Variants in PREP observed in about 807,000 individuals in gnomAD.
The protein encoded by PREP is dJ355L5.1 (prolyl endopeptidase).
In PREP, 29 loss-of-function variants were observed where a neutral mutation model predicts 87.6. The ratio of observed to expected loss-of-function variants is 0.33; its 90% CI spans 0.25 to 0.45. The LOEUF (loss-of-function observed/expected upper bound fraction) is 0.45. Among genes scored for constraint, PREP ranks in the 20% least tolerant of loss-of-function variants. The probability of loss-of-function intolerance (pLI) is 1.00; values close to 1 mark genes in which losing one functional copy is unlikely to be tolerated. For synonymous variants in PREP, 337 were observed against 328.6 expected, an observed-to-expected ratio of 1.03 and a Z score of -0.28; for missense variants, 695 against 886.5, an observed-to-expected ratio of 0.78 and a Z score of 2.74.
At chr6:105,309,532 T>C (rs895034906) in intron 10 of PREP, among the ~76,000 whole-genome samples, 1 of 152,166 alleles carries the variant, frequency 6.6e-6, no homozygotes, top group African/African-American at 2.4e-5. Context: ...GTATTTTTAG[T>C]AGAGATGGGG....
At chr6:105,391,211 T>A (rs949596168) in intron 2 of PREP, among the ~76,000 whole-genome samples, 1 of 151,532 alleles carries the variant, frequency 6.6e-6, no homozygotes, top group Non-Finnish European at 1.5e-5. Context: ...CAAAACCCCG[T>A]CTCTACTAAA....
chr6:105,301,946 G>A (rs1770546076), intron 10 of PREP, among the ~76,000 whole-genome samples: 1 of 152,220 alleles, frequency 6.6e-6, no homozygotes, highest in African/African-American at 2.4e-5. Context: ...AAGAAGGGCA[G>A]TGAAGGAGGC....
At position 105,275,488 on chromosome 6, in the gene PREP, C is replaced by T. The variant is rs1001826856; in HGVS notation, c.*2656G>A. Among the ~76,000 whole-genome samples the T allele has an allele frequency of 6.6e-6, 1 of 152,152 alleles. No individual in the cohort carries two copies. The highest frequency in any genetic ancestry group is 6.5e-5 in the Admixed American group (1 of 15,274). ...GGGCCTTGTGACAAAGCAGTGAGGC[C>T]ACCTGTGCAACATGTACAACTTTTT... On this transcript the variant is annotated 3_prime_UTR_variant, in exon 15 of 15. Transcript: ENST00000652536.
At chr6:105,354,719 G>A (rs866392830) in intron 6 of PREP, among the ~76,000 whole-genome samples, 1 of 152,100 alleles carries the variant, frequency 6.6e-6, no homozygotes, top group South Asian at 2.1e-4. Context: ...TCTCCAGCCT[G>A]TGGGCCTACC....
intron 12 of PREP, among the ~76,000 whole-genome samples, chr6:105,284,807 T>C (rs1372797137): frequency 6.6e-6 from 1 of 152,100 alleles, no homozygotes; most frequent in Admixed American, 6.5e-5. Flanking sequence ...ATACAGACGA[T>C]CATTCAAAAA....
chr6:105,386,219 C>G (rs549498360), intron 2 of PREP, among the ~76,000 whole-genome samples: 2 of 152,300 alleles, frequency 1.3e-5, no homozygotes, highest in Non-Finnish European at 2.9e-5. Context: ...CATTTAACAA[C>G]TATACGCACT....
chr6:105,304,276 G>A (rs567500978), intron 10 of PREP, among the ~76,000 whole-genome samples: 7 of 152,316 alleles, frequency 4.6e-5, no homozygotes, highest in East Asian at 1.9e-4. Context: ...TGCAAATGCC[G>A]TGCCATTTTA....
intron 7 of PREP, among the ~76,000 whole-genome samples, chr6:105,343,205 C>T (rs1583068856): frequency 6.6e-6 from 1 of 152,222 alleles, no homozygotes; most frequent in East Asian, 1.9e-4. Flanking sequence ...CAGAACAGAG[C>T]CCTCAGACAT....
intron 14 of PREP, among the ~76,000 whole-genome samples, chr6:105,279,884 T>C (rs1340050905): frequency 6.6e-6 from 1 of 152,176 alleles, no homozygotes; most frequent in Non-Finnish European, 1.5e-5. Flanking sequence ...TTCAAATGAG[T>C]TTAAATAGGA....
At chr6:105,347,639 T>C (rs771466974) in intron 7 of PREP, among the ~76,000 whole-genome samples, 9 of 152,214 alleles carry the variant, frequency 5.9e-5, no homozygotes, top group Admixed American at 6.5e-5. Flanking sequence ...TGAGCTCTGA[T>C]ACCCATACTG....
Position 105,333,331 on chromosome 6 carries a change from T to C in PREP, c.998A>G (p.His333Arg), listed in dbSNP as rs1230264646. ...GTTCTCACCTAAGACATCTTTCTCA[T>C]GCTCAGGAACAAGTACTTTCCACTT... ...ESKWKVLVPE[H>R]EKDVLEWIAC... Residue 333 changes from histidine (H) to arginine (R), a missense_variant, in exon 8 of 15, where the codon CAT becomes CGT. Coordinates refer to ENST00000652536, the MANE Select transcript of PREP (RefSeq NM_002726.5). 18 of 1,613,968 alleles carry C rather than the reference T, an allele frequency of 1.1e-5. No homozygotes were observed. The highest frequency in any genetic ancestry group is 1.5e-5 in the Non-Finnish European group (18 of 1,179,914).
At chr6:105,395,403 T>C (rs1393810909) in intron 2 of PREP, among the ~76,000 whole-genome samples, 1 of 152,192 alleles carries the variant, frequency 6.6e-6, no homozygotes, top group Admixed American at 6.5e-5. Flanking sequence ...TGAGTAGCCA[T>C]GGACAACATA....
At chr6:105,363,809 C>A (rs546331458) in intron 6 of PREP, among the ~76,000 whole-genome samples, 2 of 152,050 alleles carry the variant, frequency 1.3e-5, no homozygotes, top group African/African-American at 4.8e-5. Flanking sequence ...GTCTGAATCT[C>A]GAGGGAATGC....
chr6:105,379,850 A>G (rs992862673), intron 2 of PREP, among the ~76,000 whole-genome samples: 8 of 152,224 alleles, frequency 5.3e-5, no homozygotes, highest in African/African-American at 1.9e-4. Flanking sequence ...ACCCACAAAA[A>G]GCCAGAGGGT....
intron 8 of PREP, among the ~76,000 whole-genome samples, chr6:105,329,812 A>C (rs1771276017): frequency 6.6e-6 from 1 of 152,242 alleles, no homozygotes; most frequent in South Asian, 2.1e-4. Flanking sequence ...GTAATAAACC[A>C]TAAACAAGGA....
At chr6:105,304,802 C>T (rs184500165) in intron 10 of PREP, among the ~76,000 whole-genome samples, 5 of 152,028 alleles carry the variant, frequency 3.3e-5, no homozygotes, top group Admixed American at 3.3e-4. Context: ...CCTGAAAATC[C>T]TTGTAAGTTG....
Position 105,358,813 on chromosome 6 carries a change from G to A in PREP, c.718-5736C>T, listed in dbSNP as rs149100152. On this transcript the variant is annotated intron_variant, in intron 6 of 14. Transcript: ENST00000652536. ...ATGAAAGGGGGAAGTCACTCAGCTT[G>A]CTTTGGTTAAGGGTACTTGGTTATG... 2.5e-3 allele frequency among the ~76,000 whole-genome samples: 382 copies of A among 152,194 alleles called. 1 individual carries two copies. Among genetic ancestry groups the A allele is most frequent in the African/African-American group, 8.6e-3 (355 of 41,518 alleles).
intron 10 of PREP, among the ~76,000 whole-genome samples, chr6:105,320,354 T>A (rs1166747925): frequency 6.6e-6 from 1 of 152,216 alleles, no homozygotes; most frequent in East Asian, 1.9e-4. Context: ...ACAGCTATAA[T>A]CAGGAATGGA....
At chr6:105,286,168 A>T (rs892749914) in intron 11 of PREP, among the ~76,000 whole-genome samples, 5 of 152,248 alleles carry the variant, frequency 3.3e-5, no homozygotes, top group African/African-American at 1.2e-4. Flanking sequence ...CAAACAGAGA[A>T]AAAACAAAAC....
Sources: gnomAD v4.1 joint callset for allele counts (sites outside exome capture counted in the v4.1 genomes callset) on GRCh38, gnomAD v4.1.1 for gene constraint, MANE v1.5 for transcripts, NCBI Gene and HGNC (gene_info 2026-07-23, HGNC 2026-07-21) for gene names.